The following NWD2 variants were observed in gnomAD, a reference collection of about 807,000 sequenced individuals.
The protein encoded by NWD2 is NACHT and WD repeat domain containing 2, also known as NACHT and WD repeat domain-containing protein 2.
NWD2 carries 37 observed loss-of-function variants against 132.7 expected under a neutral mutation model. The ratio of observed to expected loss-of-function variants is 0.28; its 90% CI spans 0.21 to 0.37. The LOEUF (loss-of-function observed/expected upper bound fraction) is 0.37, where lower values mean the gene tolerates loss of function less well. Among genes scored for constraint, NWD2 ranks in the 10% least tolerant of loss-of-function variants. The pLI, the probability that NWD2 is intolerant of heterozygous loss-of-function variation, is 1.00. For missense variants in NWD2, 1,592 were observed against 2,122.4 expected (o/e 0.75, Z 4.91); for synonymous variants, 705 against 803.0 (o/e 0.88, Z 2.06).
intron 3 of NWD2, among the ~76,000 whole-genome samples, chr4:37,413,674 A>G (rs1042245396): frequency 6.6e-6 from 1 of 152,194 alleles, no homozygotes; most frequent in Non-Finnish European, 1.5e-5. Flanking sequence ...ATGCACACAT[A>G]TGTTTATTGC....
intron 3 of NWD2, among the ~76,000 whole-genome samples, chr4:37,423,499 C>A (rs1021262044): frequency 1.3e-5 from 2 of 152,148 alleles, no homozygotes; most frequent in Non-Finnish European, 2.9e-5. Context: ...AGTCCAAGTG[C>A]AAAGGCCAAA....
intron 1 of NWD2, among the ~76,000 whole-genome samples, chr4:37,251,053 C>T (rs1026462676): frequency 2.0e-5 from 3 of 152,156 alleles, no homozygotes; most frequent in Admixed American, 6.5e-5. Context: ...GGTGAGTGGG[C>T]GGATCACTTG....
chr4:37,404,978 A>G (rs982809646), intron 3 of NWD2, among the ~76,000 whole-genome samples: 6 of 152,182 alleles, frequency 3.9e-5, no homozygotes, highest in African/African-American at 1.4e-4. Context: ...CCCCATCACC[A>G]ATACTGGGGA....
Position 37,310,613 on chromosome 4 carries a change from G to A in NWD2, c.152-15323G>A, listed in dbSNP as rs116689550. ...CATTTGCCTAATATCTTGAAGCATG[G>A]TGCTAGCTGTAGGGATTTTTTTTTT... On this transcript the variant is annotated intron_variant, in intron 1 of 6. Transcript: ENST00000309447. Among the ~76,000 whole-genome samples the A allele has an allele frequency of 3.3e-3, 499 of 151,986 alleles. 2 individuals carry two copies. Among genetic ancestry groups the A allele is most frequent in the African/African-American group, 8.5e-3 (352 of 41,478 alleles).
intron 1 of NWD2, among the ~76,000 whole-genome samples, chr4:37,278,663 G>A (rs1287367477): frequency 6.6e-6 from 1 of 152,136 alleles, no homozygotes; most frequent in African/African-American, 2.4e-5. Flanking sequence ...CAATCCACCA[G>A]CCCCTGAACC....
chr4:37,393,196 T>G (rs1577688669), intron 3 of NWD2, among the ~76,000 whole-genome samples: 1 of 151,638 alleles, frequency 6.6e-6, no homozygotes. Context: ...ATCCGGGGGT[T>G]GGGGGGAGAC....
intron 2 of NWD2, among the ~76,000 whole-genome samples, chr4:37,329,784 G>T (rs1012891574): frequency 6.6e-6 from 1 of 152,044 alleles, no homozygotes; most frequent in Non-Finnish European, 1.5e-5. Context: ...TAAGAGGTTT[G>T]CTCAGGTTCT....
chr4:37,428,350 T>C (rs1712063736), intron 3 of NWD2, among the ~76,000 whole-genome samples: 1 of 152,246 alleles, frequency 6.6e-6, no homozygotes, highest in Admixed American at 6.5e-5. Flanking sequence ...GCCCCCAGAT[T>C]GAACAGAAAG....
chr4:37,369,059 A>C (rs1231913740), intron 3 of NWD2, among the ~76,000 whole-genome samples: 1 of 152,192 alleles, frequency 6.6e-6, no homozygotes, highest in East Asian at 1.9e-4. Context: ...AGGGAGAAGG[A>C]TGAGTCTAAG....
chr4:37,350,066 C>T lies in NWD2; in HGVS notation c.241-6300C>T, dbSNP rs188191878. On this transcript the variant is annotated intron_variant, in intron 2 of 6. Coordinates refer to ENST00000309447, the MANE Select transcript of NWD2 (RefSeq NM_001144990.2). ...CTATATATCTGTTTTGGTACCAGTA[C>T]CATGCTGTTTTCATTACCGTAGCCT... Among the ~76,000 whole-genome samples the T allele has an allele frequency of 1.4e-3, 209 of 152,238 alleles. 1 individual carries two copies. The highest frequency in any genetic ancestry group is 4.9e-3 in the African/African-American group (204 of 41,526).
intron 1 of NWD2, among the ~76,000 whole-genome samples, chr4:37,281,762 A>G (rs981519314): frequency 2.0e-5 from 3 of 152,230 alleles, no homozygotes; most frequent in Non-Finnish European, 4.4e-5. Context: ...TGAGATCAAT[A>G]TAAAGAAATT....
In NWD2 at chr4:37,444,757, C is replaced by T. The variant is rs1376765921; in HGVS notation, c.2769C>T (p.Ser923=). ...AGCAAAGACTGCTGCCTGTTGTAAG[C>T]TCCCTGCCCAAACTTAGACATCTTC... ...ELQQRLLPVV[S]SLPKLRHLLL... Residue 923 remains serine, a synonymous_variant, in exon 7 of 7, where the codon AGC becomes AGT. Transcript: ENST00000309447. This position sits in a 1 kb window ranked among gnomAD's most constrained non-coding sequence, Gnocchi z 4.8. The T allele has an allele frequency of 6.4e-7, 1 of 1,551,924 alleles. No homozygotes were observed. The highest frequency in any genetic ancestry group is 1.4e-5 in the African/African-American group (1 of 73,150).
intron 3 of NWD2, among the ~76,000 whole-genome samples, chr4:37,367,377 AG>A (rs1720123495): frequency 6.6e-6 from 1 of 152,226 alleles, no homozygotes; most frequent in African/African-American, 2.4e-5. Flanking sequence ...TAGAAAAAAC[AG>A]AAATCCATTA....
intron 1 of NWD2, among the ~76,000 whole-genome samples, chr4:37,322,886 A>C (rs568643030): frequency 6.6e-6 from 1 of 152,290 alleles, no homozygotes; most frequent in African/African-American, 2.4e-5. Context: ...TTTTTATTTC[A>C]TAAGCTTTAG....
intron 1 of NWD2, among the ~76,000 whole-genome samples, chr4:37,256,161 G>A (rs1717514778): frequency 6.6e-6 from 1 of 152,178 alleles, no homozygotes; most frequent in African/African-American, 2.4e-5. Context: ...AGTAATGTCT[G>A]CTGTGGAATG....
chr4:37,344,001 A>T (rs927415302), intron 2 of NWD2, among the ~76,000 whole-genome samples: 14 of 152,176 alleles, frequency 9.2e-5, no homozygotes, highest in African/African-American at 3.1e-4. Context: ...GGTTTTAAGT[A>T]AAAAAGGTAA....
intron 3 of NWD2, among the ~76,000 whole-genome samples, chr4:37,405,421 T>TAATAGAATAGAATAC (rs1315500729): frequency 2.6e-4 from 37 of 141,414 alleles, no homozygotes; most frequent in African/African-American, 8.8e-4. Flanking sequence ...TAGTTGAATG[T>TAATAGAATAGAATAC]AATAGAATAG....
intron 1 of NWD2, among the ~76,000 whole-genome samples, chr4:37,297,722 G>C (rs1027941139): frequency 2.0e-5 from 3 of 152,108 alleles, no homozygotes; most frequent in African/African-American, 7.2e-5. Context: ...CTATACATCA[G>C]TTATTTTGTA....
chr4:37,261,467 G>A (rs753280543), intron 1 of NWD2, among the ~76,000 whole-genome samples: 1 of 152,122 alleles, frequency 6.6e-6, no homozygotes, highest in Non-Finnish European at 1.5e-5. Context: ...CAAGTAAGTT[G>A]TAAGCCATAA....
Sources: gnomAD v4.1 joint callset for allele counts (sites outside exome capture counted in the v4.1 genomes callset) on GRCh38, gnomAD v4.1.1 for gene constraint, Gnocchi (gnomAD v3.1) non-coding constraint, MANE v1.5 for transcripts, NCBI Gene and HGNC (gene_info 2026-07-23, HGNC 2026-07-21) for gene names.